RBFOX1: variants seen among roughly 807,000 people sequenced by gnomAD.
RBFOX1 encodes RNA binding fox-1 homolog 1.
In RBFOX1, 8 loss-of-function variants were observed where a neutral mutation model predicts 57.7. That is an observed-to-expected ratio of 0.14 (90% CI 0.08 to 0.25). The LOEUF is 0.25. RBFOX1 is among the 10% of genes least tolerant of loss of function. The pLI, the probability that RBFOX1 is intolerant of heterozygous loss-of-function variation, is 1.00. For synonymous variants in RBFOX1, 326 were observed against 222.4 expected (o/e 1.47, Z -4.15); for missense variants, 611 against 548.5 (o/e 1.11, Z -1.14).
chr16:6,268,569 G>C (rs2074823776), intron 1 of RBFOX1, among the ~76,000 whole-genome samples: 1 of 152,106 alleles, frequency 6.6e-6, no homozygotes, highest in Non-Finnish European at 1.5e-5. Context: ...GTTTACTCTA[G>C]TAAACCCTAC....
chr16:7,269,813 A>T lies in RBFOX1; in HGVS notation c.27+217715A>T, dbSNP rs76738689. 1.9e-3 allele frequency among the ~76,000 whole-genome samples: 297 copies of T among 152,328 alleles called. 1 individual carries two copies. The highest frequency in any genetic ancestry group is 6.8e-3 in the Middle Eastern group (2 of 294). On this transcript the variant is annotated intron_variant, in intron 4 of 15. Transcript: ENST00000550418. Reference sequence around the variant, plus strand: ...AGGGTCGGAAGATATGAGCATCTTTATACTTTGTGAATAGATTTTATGTTG... The same window carrying T: ...AGGGTCGGAAGATATGAGCATCTTTTTACTTTGTGAATAGATTTTATGTTG...
intron 4 of RBFOX1, among the ~76,000 whole-genome samples, chr16:7,417,118 C>T (rs2098485564): frequency 6.6e-6 from 1 of 151,864 alleles, no homozygotes. Context: ...ACCTGTAATC[C>T]CAGCACTTTG....
At chr16:7,069,961 C>G (rs866148095) in intron 4 of RBFOX1, among the ~76,000 whole-genome samples, 1 of 152,166 alleles carries the variant, frequency 6.6e-6, no homozygotes, top group Non-Finnish European at 1.5e-5. Flanking sequence ...ACACCATAGC[C>G]TAATAATTCC....
intron 4 of RBFOX1, among the ~76,000 whole-genome samples, chr16:7,419,572 T>C (rs1192874480): frequency 3.9e-5 from 6 of 152,376 alleles, no homozygotes; most frequent in Middle Eastern, 3.4e-3. Context: ...ATATGCAAGC[T>C]TGGACCTCCT....
upstream of RBFOX1, among the ~76,000 whole-genome samples, chr16:6,018,068 A>G (rs754241961): frequency 6.6e-6 from 1 of 152,214 alleles, no homozygotes; most frequent in East Asian, 1.9e-4. Context: ...CTTGCCAGCT[A>G]TGTGACCTTG....
At position 7,710,356 on chromosome 16, in the gene RBFOX1, C is replaced by G; in HGVS notation, c.1072-267C>G. On this transcript the variant is annotated intron_variant, in intron 15 of 15. Coordinates refer to ENST00000550418, the MANE Select transcript of RBFOX1 (RefSeq NM_018723.4). Reference sequence around the variant, plus strand: ...AAAAAATGAGACAGTGAAAATCCTTCCATTGTCCAGCTTATAATAGAGTCC... The same window carrying G: ...AAAAAATGAGACAGTGAAAATCCTTGCATTGTCCAGCTTATAATAGAGTCC... The G allele has an allele frequency of 2.3e-6, 3 of 1,291,258 alleles. No homozygotes were observed. In the South Asian group the frequency reaches 6.5e-5, roughly 28 times the overall value. 80.0% of individuals were successfully genotyped at this position (1,291,258 alleles called of 1,614,324 possible).
intron 4 of RBFOX1, among the ~76,000 whole-genome samples, chr16:7,080,013 C>T (rs561903103): frequency 3.6e-5 from 5 of 137,134 alleles, no homozygotes; most frequent in South Asian, 4.5e-4. Flanking sequence ...TATATATATA[C>T]ATATATATAC....
At chr16:5,907,266 G>C (rs924607679) in intron 4 of RBFOX1, among the ~76,000 whole-genome samples, 2 of 152,002 alleles carry the variant, frequency 1.3e-5, no homozygotes, top group Non-Finnish European at 2.9e-5. Context: ...AGATAGTGGA[G>C]TTCTCATCCT....
chr16:6,842,748 C>G (rs1400250798), intron 3 of RBFOX1, among the ~76,000 whole-genome samples: 1 of 151,004 alleles, frequency 6.6e-6, no homozygotes, highest in African/African-American at 2.4e-5. Context: ...TGGTTTGCTG[C>G]ACCTGTCAAC....
At chr16:6,496,486 C>T (rs2095771953) in intron 2 of RBFOX1, among the ~76,000 whole-genome samples, 1 of 152,154 alleles carries the variant, frequency 6.6e-6, no homozygotes, top group African/African-American at 2.4e-5. Flanking sequence ...CTTGCTCATA[C>T]AGAAACAATC....
chr16:7,163,919 C>G (rs2078911611), intron 4 of RBFOX1, among the ~76,000 whole-genome samples: 1 of 152,120 alleles, frequency 6.6e-6, no homozygotes, highest in Admixed American at 6.5e-5. Context: ...TTCAGCCTCC[C>G]AAAGTACTGG....
At chr16:5,674,052 A>T (rs975510618) in intron 3 of RBFOX1, among the ~76,000 whole-genome samples, 1 of 152,200 alleles carries the variant, frequency 6.6e-6, no homozygotes, top group Non-Finnish European at 1.5e-5. Context: ...CCATTGAATC[A>T]TTCATTCTTG....
intron 1 of RBFOX1, among the ~76,000 whole-genome samples, chr16:6,256,158 T>TATATAC (rs2097660661): frequency 8.0e-5 from 3 of 37,458 alleles, no homozygotes; most frequent in Admixed American, 5.1e-4. Flanking sequence ...TATATATATA[T>TATATAC]GTATATATAT....
chr16:7,041,474 A>G (rs77993866), intron 3 of RBFOX1, among the ~76,000 whole-genome samples: 4 of 152,206 alleles, frequency 2.6e-5, no homozygotes, highest in African/African-American at 9.6e-5. Flanking sequence ...CATTCTTCTC[A>G]GTTCTGGGTC....
chr16:6,084,786 CA>C (rs35255535), intron 1 of RBFOX1, among the ~76,000 whole-genome samples: 61,604 of 151,914 alleles, frequency 0.41, 14,065 homozygotes, highest in Non-Finnish European at 0.54. Context: ...TTATGTTTTG[CA>C]GGACAAACGT....
intron 1 of RBFOX1, among the ~76,000 whole-genome samples, chr16:5,349,792 C>T (rs765339109): frequency 4.6e-5 from 7 of 152,226 alleles, no homozygotes; most frequent in Admixed American, 6.5e-5. Flanking sequence ...CCACAGGAGC[C>T]GGGCTGTGCT....
At chr16:7,013,350 C>G (rs1217333772) in intron 3 of RBFOX1, among the ~76,000 whole-genome samples, 1 of 152,158 alleles carries the variant, frequency 6.6e-6, no homozygotes, top group East Asian at 1.9e-4. Context: ...TAAACATAAA[C>G]CAGTCCCTCT....
chr16:6,732,432 T>G (rs1167798293), intron 3 of RBFOX1, among the ~76,000 whole-genome samples: 2 of 152,244 alleles, frequency 1.3e-5, no homozygotes, highest in Non-Finnish European at 2.9e-5. Flanking sequence ...GCACTGCACC[T>G]GCACTGGGGA....
At chr16:6,415,242 CAAA>C (rs57296761) in intron 2 of RBFOX1, among the ~76,000 whole-genome samples, 5,649 of 101,892 alleles carry the variant, frequency 0.055, 202 homozygotes, top group East Asian at 0.22. Flanking sequence ...AACTCTGTCA[CAAA>C]AAAAAAAAAA....
Sources: gnomAD v4.1 joint callset for allele counts (sites outside exome capture counted in the v4.1 genomes callset) on GRCh38, gnomAD v4.1.1 for gene constraint, MANE v1.5 for transcripts, NCBI Gene and HGNC (gene_info 2026-07-23, HGNC 2026-07-21) for gene names.